CDH18: variants seen among roughly 807,000 people sequenced by gnomAD.
CDH18 encodes the protein cadherin-18.
CDH18 carries 31 observed loss-of-function variants against 67.9 expected under a neutral mutation model. That is an observed-to-expected ratio of 0.46 (90% CI 0.34 to 0.62). The LOEUF (loss-of-function observed/expected upper bound fraction) is 0.62, where lower values mean the gene tolerates loss of function less well. Among genes scored for constraint, CDH18 ranks in the 20% least tolerant of loss-of-function variants. The probability of loss-of-function intolerance (pLI) is 0.01; values close to 1 mark genes in which losing one functional copy is unlikely to be tolerated. For synonymous variants in CDH18, 362 were observed against 347.2 expected, an observed-to-expected ratio of 1.04 and a Z score of -0.48; for missense variants, 890 against 975.5, an observed-to-expected ratio of 0.91 and a Z score of 1.17.
At chr5:20,482,353 AAAGT>A (rs1431802178) in intron 1 of CDH18, among the ~76,000 whole-genome samples, 1 of 152,078 alleles carries the variant, frequency 6.6e-6, no homozygotes, top group African/African-American at 2.4e-5. Context: ...AATTTTAGCA[AAAGT>A]TTAAGAACTA....
At chr5:20,518,332 T>C (rs1755502629) in intron 1 of CDH18, among the ~76,000 whole-genome samples, 2 of 152,242 alleles carry the variant, frequency 1.3e-5, no homozygotes, top group East Asian at 1.9e-4. Context: ...GTCAGGGATA[T>C]TTTGTGAGCA....
At chr5:19,816,858 T>A (rs1384130015) in intron 3 of CDH18, among the ~76,000 whole-genome samples, 2 of 151,746 alleles carry the variant, frequency 1.3e-5, no homozygotes, top group Admixed American at 6.6e-5. Flanking sequence ...AAATATAATT[T>A]CAGTCAAAAG....
chr5:19,595,367 T>C (rs1176849439), intron 6 of CDH18, among the ~76,000 whole-genome samples: 8 of 152,202 alleles, frequency 5.3e-5, no homozygotes, highest in Admixed American at 2.6e-4. Flanking sequence ...AGACATTCAG[T>C]GTTCATGGTT....
chr5:20,546,196 A>C (rs1043761802), intron 1 of CDH18, among the ~76,000 whole-genome samples: 5 of 152,122 alleles, frequency 3.3e-5, no homozygotes, highest in African/African-American at 1.2e-4. Flanking sequence ...TGTCACTATA[A>C]GTATTTTGGC....
chr5:20,311,060 T>A (rs2149988968), intron 1 of CDH18, among the ~76,000 whole-genome samples: 1 of 152,190 alleles, frequency 6.6e-6, no homozygotes, highest in East Asian at 1.9e-4. Context: ...TTGAATTCAA[T>A]ATTGTATACA....
chr5:19,719,826 G>A (rs6897328), intron 5 of CDH18, among the ~76,000 whole-genome samples: 48,728 of 150,262 alleles, frequency 0.32, 8,044 homozygotes, highest in African/African-American at 0.41. Context: ...TATGTTCTAC[G>A]TTGTTTTCTT....
intron 2 of CDH18, among the ~76,000 whole-genome samples, chr5:19,888,383 A>T (rs999944230): frequency 6.6e-6 from 1 of 152,024 alleles, no homozygotes; most frequent in Non-Finnish European, 1.5e-5. Context: ...TGTTTTTTTC[A>T]GTAATGGCTT....
chr5:19,521,875 A>G (rs774511113), intron 9 of CDH18, among the ~76,000 whole-genome samples: 6 of 152,072 alleles, frequency 3.9e-5, no homozygotes, highest in Non-Finnish European at 1.5e-5. Flanking sequence ...CCTAGAAAAT[A>G]TAAGAAAGAG....
At chr5:20,454,191 A>G (rs1750676278) in intron 1 of CDH18, among the ~76,000 whole-genome samples, 1 of 152,098 alleles carries the variant, frequency 6.6e-6, no homozygotes, top group African/African-American at 2.4e-5. Flanking sequence ...TATTATAAAA[A>G]TGGCTGACAA....
chr5:19,922,266 T>C (rs968126241), intron 2 of CDH18, among the ~76,000 whole-genome samples: 15 of 152,238 alleles, frequency 9.9e-5, no homozygotes, highest in Non-Finnish European at 1.8e-4. Context: ...GTGTTATGCA[T>C]GTTTCTGCTT....
chr5:20,165,429 G>C (rs561535639), intron 2 of CDH18, among the ~76,000 whole-genome samples: 43 of 152,086 alleles, frequency 2.8e-4, no homozygotes, highest in African/African-American at 9.6e-4. Context: ...TCATGACTTA[G>C]CAAAAAGATT....
intron 1 of CDH18, among the ~76,000 whole-genome samples, chr5:20,489,408 C>A (rs1415198590): frequency 6.6e-6 from 1 of 152,002 alleles, no homozygotes; most frequent in Non-Finnish European, 1.5e-5. Flanking sequence ...TGATAATGAA[C>A]TATGTAACTT....
At chr5:20,534,756 C>G (rs926169328) in intron 1 of CDH18, among the ~76,000 whole-genome samples, 1 of 151,762 alleles carries the variant, frequency 6.6e-6, no homozygotes, top group African/African-American at 2.4e-5. Flanking sequence ...ATTAATGAAA[C>G]CTGAACATCA....
intron 1 of CDH18, among the ~76,000 whole-genome samples, chr5:20,457,543 A>G (rs559758057): frequency 3.3e-4 from 50 of 152,232 alleles, no homozygotes; most frequent in African/African-American, 1.1e-3. Flanking sequence ...TGGCTATACA[A>G]CTGTGCTTTG....
At chr5:19,958,358 A>G (rs887010462) in intron 2 of CDH18, among the ~76,000 whole-genome samples, 2 of 135,016 alleles carry the variant, frequency 1.5e-5, no homozygotes, top group Non-Finnish European at 3.2e-5. Flanking sequence ...AAGAAACTCA[A>G]TAGGATGATC....
At chr5:19,747,935 C>T (rs1324403640) in intron 3 of CDH18, among the ~76,000 whole-genome samples, 1 of 150,362 alleles carries the variant, frequency 6.7e-6, no homozygotes, top group East Asian at 2.0e-4. Context: ...GGTGAAACTC[C>T]GTCTCTACTA....
At chr5:19,829,985 A>G (rs1164249684) in intron 3 of CDH18, among the ~76,000 whole-genome samples, 1 of 152,212 alleles carries the variant, frequency 6.6e-6, no homozygotes, top group African/African-American at 2.4e-5. Context: ...CGGTATAGCC[A>G]TATGAAGAAG....
intron 2 of CDH18, among the ~76,000 whole-genome samples, chr5:19,873,635 A>G (rs1786581123): frequency 6.6e-6 from 1 of 152,132 alleles, no homozygotes; most frequent in Non-Finnish European, 1.5e-5. Context: ...TGTACTTTCA[A>G]AATATCAAAA....
At chr5:20,056,478 GTTTTTTTTT>G (rs58415003) in intron 2 of CDH18, among the ~76,000 whole-genome samples, 4 of 16,286 alleles carry the variant, frequency 2.5e-4, no homozygotes, top group African/African-American at 6.4e-4. Flanking sequence ...TCTTTCTTTT[GTTTTTTTTT>G]TTTTTTTTTT....
Sources: allele counts gnomAD v4.1 joint callset (sites outside exome capture counted in the v4.1 genomes callset), GRCh38; gene constraint gnomAD v4.1.1; transcripts MANE v1.5; gene names NCBI Gene and HGNC (gene_info 2026-07-23, HGNC 2026-07-21).